Variants in ANKRD33B observed in about 807,000 individuals in gnomAD.
ANKRD33B encodes the protein ankyrin repeat domain-containing protein 33B.
In ANKRD33B, 6 loss-of-function variants were observed where a neutral mutation model predicts 21.5. The ratio of observed to expected loss-of-function variants is 0.28; its 90% CI spans 0.15 to 0.55. ANKRD33B has a LOEUF of 0.55. Ranked by LOEUF, ANKRD33B falls within the 20% of genes least tolerant of loss-of-function variation. ANKRD33B has a pLI of 0.94. For missense variants in ANKRD33B, 698 were observed against 747.2 expected, an observed-to-expected ratio of 0.93 and a Z score of 0.77; for synonymous variants, 347 against 342.4, an observed-to-expected ratio of 1.01 and a Z score of -0.15.
At chr5:10,587,502 A>G (rs1415121574) in intron 1 of ANKRD33B, among the ~76,000 whole-genome samples, 1 of 151,602 alleles carries the variant, frequency 6.6e-6, no homozygotes, top group Non-Finnish European at 1.5e-5. Flanking sequence ...CTCGGACAAC[A>G]TTGAATAGTA....
rs1230950551 is a variant in ANKRD33B at position 10,649,956 on chromosome 5, G to C, written c.1328G>C (p.Arg443Pro). 6.5e-7 allele frequency: 1 copy of C among 1,531,350 alleles called. No homozygotes were observed. Among genetic ancestry groups the C allele is most frequent in the East Asian group, 2.5e-5 (1 of 40,556 alleles). The allele number at this position is 1,531,350 out of a possible 1,614,324, so 94.9% of individuals were successfully genotyped here. ...APTFQPERPA[R>P]KGSTKDSGHL... Reference sequence around the variant, plus strand: ...ACCTTCCAGCCCGAGCGGCCGGCGCGGAAGGGCAGCACCAAGGACAGCGGC... The same window carrying C: ...ACCTTCCAGCCCGAGCGGCCGGCGCCGAAGGGCAGCACCAAGGACAGCGGC... Residue 443 changes from arginine (R) to proline (P), a missense_variant, in exon 4 of 4, where the codon CGG becomes CCG. Physicochemically the swap from Arg to Pro is moderately radical, Grantham distance 103 (BLOSUM62 -2). Coordinates refer to ENST00000296657, the MANE Select transcript of ANKRD33B (RefSeq NM_001164440.2).
intron 1 of ANKRD33B, among the ~76,000 whole-genome samples, chr5:10,601,472 T>A (rs1341040285): frequency 6.6e-6 from 1 of 152,124 alleles, no homozygotes; most frequent in Non-Finnish European, 1.5e-5. Flanking sequence ...GGGTGCCAAC[T>A]CCTCCCAGCC....
rs1736730607 is a variant in ANKRD33B, at chr5:10,632,041, G to A, written c.497-5987G>A. Among the ~76,000 whole-genome samples the A allele has an allele frequency of 2.6e-5, 4 of 152,144 alleles. No individual in the cohort carries two copies. In the South Asian group the frequency reaches 8.3e-4, roughly 32 times the overall value. On this transcript the variant is annotated intron_variant, in intron 2 of 3. Coordinates refer to ENST00000296657, the MANE Select transcript of ANKRD33B (RefSeq NM_001164440.2). ...ACGGTTAGCAAGGAATGGGTATAAC[G>A]AGGCGCATTGCCCTTCCATCCTGTC...
intron 2 of ANKRD33B, among the ~76,000 whole-genome samples, chr5:10,625,786 C>T (rs1042306371): frequency 6.6e-6 from 1 of 152,212 alleles, no homozygotes; most frequent in African/African-American, 2.4e-5. Flanking sequence ...TTGAGTTAAT[C>T]AACGGCAGCA....
intron 2 of ANKRD33B, among the ~76,000 whole-genome samples, chr5:10,630,734 A>G (rs1393224246): frequency 1.3e-5 from 2 of 152,180 alleles, no homozygotes; most frequent in Admixed American, 6.5e-5. Flanking sequence ...CAGGCCAGGC[A>G]CGGTGGCTCA....
rs1232945053 is a variant in ANKRD33B at position 10,630,275 on chromosome 5, TG to T, written c.497-7749del. On this transcript the variant is annotated intron_variant, in intron 2 of 3. Transcript: ENST00000296657. ...GGGACCTGTTCTTGGGCACTTCGGC[TG>T]GGGCAGCTCTGCTGCATGCATTACT... Among the ~76,000 whole-genome samples, 5 of 152,318 alleles carry T rather than the reference TG, an allele frequency of 3.3e-5. No individual in the cohort carries two copies. The East Asian group carries it at 9.6e-4, about 29-fold the overall frequency.
At chr5:10,633,251 G>C (rs998279752) in intron 2 of ANKRD33B, among the ~76,000 whole-genome samples, 1 of 151,866 alleles carries the variant, frequency 6.6e-6, no homozygotes, top group Non-Finnish European at 1.5e-5. Context: ...ACAGGTGCAC[G>C]CCACCACGCC....
chr5:10,637,675 C>T (rs1300771971), intron 2 of ANKRD33B, among the ~76,000 whole-genome samples: 10 of 152,056 alleles, frequency 6.6e-5, no homozygotes, highest in Admixed American at 4.6e-4. Context: ...GGAGTTGAGG[C>T]TTCCTGCCCT....
chr5:10,641,225 CTTTTTTTT>C, intron 3 of ANKRD33B, among the ~76,000 whole-genome samples: 2 of 77,448 alleles, frequency 2.6e-5, no homozygotes, highest in South Asian at 5.0e-4. Context: ...TCTTCTTCTT[CTTTTTTTT>C]TTTTTTTTTT....
chr5:10,630,870 C>CAAAAAAA (rs34531639), intron 2 of ANKRD33B, among the ~76,000 whole-genome samples: 3 of 119,110 alleles, frequency 2.5e-5, no homozygotes, highest in Admixed American at 8.5e-5. Context: ...GAGACTGTGT[C>CAAAAAAA]AAAAAAAAAA....
intron 1 of ANKRD33B, among the ~76,000 whole-genome samples, chr5:10,580,844 G>A (rs1735429840): frequency 6.6e-6 from 1 of 152,046 alleles, no homozygotes; most frequent in Non-Finnish European, 1.5e-5. Flanking sequence ...CCTCTCTTCT[G>A]GTTCTTTCCC....
intron 1 of ANKRD33B, among the ~76,000 whole-genome samples, chr5:10,593,737 C>T (rs1159254925): frequency 6.6e-6 from 1 of 152,094 alleles, no homozygotes; most frequent in Non-Finnish European, 1.5e-5. Flanking sequence ...CAACCCCTCA[C>T]CCTGGCTCAA....
rs149444640 is a variant in ANKRD33B at position 10,597,607 on chromosome 5, C to G, written c.367-20726C>G. ...CAATAATAATGGGAGACTTTAACAC[C>G]CCACTGACAATATTAGATCATCAAG... is the stretch of plus-strand genomic sequence containing the variant. On this transcript the variant is annotated intron_variant, in intron 1 of 3. Coordinates refer to ENST00000296657, the MANE Select transcript of ANKRD33B (RefSeq NM_001164440.2). Among the ~76,000 whole-genome samples, 1,008 of 152,142 alleles carry G rather than the reference C, an allele frequency of 6.6e-3. 9 individuals carry two copies. Among genetic ancestry groups the G allele is most frequent in the African/African-American group, 0.023 (951 of 41,490 alleles).
intron 2 of ANKRD33B, among the ~76,000 whole-genome samples, chr5:10,631,147 G>A (rs1342061740): frequency 1.3e-5 from 2 of 152,198 alleles, no homozygotes; most frequent in African/African-American, 2.4e-5. Flanking sequence ...TCTGCCTTGG[G>A]GAAGAGGGAT....
intron 1 of ANKRD33B, among the ~76,000 whole-genome samples, chr5:10,570,337 C>T (rs995345120): frequency 6.6e-6 from 1 of 152,204 alleles, no homozygotes; most frequent in Non-Finnish European, 1.5e-5. Flanking sequence ...CGTCTTCATT[C>T]AGCTGGTGGT....
At chr5:10,614,863 G>A (rs1304172025) in intron 1 of ANKRD33B, among the ~76,000 whole-genome samples, 1 of 151,888 alleles carries the variant, frequency 6.6e-6, no homozygotes, top group Non-Finnish European at 1.5e-5. Context: ...TTCCAGCCTG[G>A]GCAACAGAGC....
intron 1 of ANKRD33B, among the ~76,000 whole-genome samples, chr5:10,613,207 C>T (rs1464501857): frequency 1.3e-5 from 2 of 152,050 alleles, no homozygotes; most frequent in Non-Finnish European, 2.9e-5. Context: ...AGCATCCGGC[C>T]CTCCTTTTTC....
chr5:10,618,853 C>A (rs758010526), intron 2 of ANKRD33B, among the ~76,000 whole-genome samples: 1 of 152,112 alleles, frequency 6.6e-6, no homozygotes, highest in Non-Finnish European at 1.5e-5. Flanking sequence ...AAAGTAGACA[C>A]GTGTAGAAGG....
rs1321447553 is a variant in ANKRD33B, at chr5:10,649,356, T to C, written c.728T>C (p.Met243Thr). Reference protein sequence around the residue: ...YTGRVDAVRLMQRLLERPCPE... With the variant: ...YTGRVDAVRLTQRLLERPCPE... ...GGCCGCGTGGATGCCGTCCGTCTCA[T>C]GCAGAGGCTGCTGGAGCGCCCCTGC... Residue 243 changes from methionine to threonine, a missense_variant, in exon 4 of 4, where the codon ATG becomes ACG. By Grantham distance (81) the Met-to-Thr change is moderately conservative. Transcript: ENST00000296657. The C allele has an allele frequency of 3.3e-6, 5 of 1,535,338 alleles. No individual in the cohort carries two copies. In the East Asian group the frequency reaches 9.8e-5, roughly 30 times the overall value.
Sources: allele counts gnomAD v4.1 joint callset (sites outside exome capture counted in the v4.1 genomes callset), GRCh38; gene constraint gnomAD v4.1.1; transcripts MANE v1.5; gene names NCBI Gene and HGNC (gene_info 2026-07-23, HGNC 2026-07-21).